Variants in ROBO2 observed in about 807,000 individuals in gnomAD.
ROBO2 encodes roundabout guidance receptor 2.
A neutral mutation model predicts 160.8 loss-of-function variants in ROBO2; 53 were observed. The ratio of observed to expected loss-of-function variants is 0.33; its 90% CI spans 0.26 to 0.41. The LOEUF is 0.41. Among genes scored for constraint, ROBO2 ranks in the 10% least tolerant of loss-of-function variants. The probability of loss-of-function intolerance (pLI) is 1.00; values close to 1 mark genes in which losing one functional copy is unlikely to be tolerated. For synonymous variants in ROBO2, 664 were observed against 611.7 expected, an observed-to-expected ratio of 1.09 and a Z score of -1.26; for missense variants, 1,577 against 1,722.4, an observed-to-expected ratio of 0.92 and a Z score of 1.49.
At chr3:76,063,431 T>A (rs2068133589) in intron 2 of ROBO2, among the ~76,000 whole-genome samples, 1 of 151,416 alleles carries the variant, frequency 6.6e-6, no homozygotes, top group Non-Finnish European at 1.5e-5. Flanking sequence ...CAGCCTTGAT[T>A]CCCTTTGGGC....
chr3:75,991,757 G>A (rs540981781), intron 2 of ROBO2, among the ~76,000 whole-genome samples: 13 of 152,190 alleles, frequency 8.5e-5, no homozygotes, highest in Admixed American at 2.6e-4. Flanking sequence ...GGAAAATTTG[G>A]AACTCCCTAG....
intron 2 of ROBO2, among the ~76,000 whole-genome samples, chr3:76,892,140 T>C (rs570506521): frequency 1.3e-5 from 2 of 152,000 alleles, no homozygotes; most frequent in Admixed American, 6.5e-5. Context: ...TTTTAAAGAA[T>C]GGGAAGGTAA....
At chr3:77,381,490 G>A (rs776553840) in intron 2 of ROBO2, among the ~76,000 whole-genome samples, 1 of 152,126 alleles carries the variant, frequency 6.6e-6, no homozygotes, top group African/African-American at 2.4e-5. Context: ...GTTTTTAACA[G>A]AGAAAATGTG....
intron 2 of ROBO2, among the ~76,000 whole-genome samples, chr3:76,642,991 A>G (rs900885798): frequency 3.9e-5 from 6 of 152,194 alleles, no homozygotes; most frequent in Non-Finnish European, 8.8e-5. Flanking sequence ...CTAATAATGT[A>G]TTTTATTACA....
At chr3:76,884,678 G>C (rs1176482617) in intron 2 of ROBO2, among the ~76,000 whole-genome samples, 1 of 152,062 alleles carries the variant, frequency 6.6e-6, no homozygotes, top group Non-Finnish European at 1.5e-5. Flanking sequence ...GCCTAGAGCT[G>C]TTTCAATATT....
chr3:76,865,770 T>C (rs2071304714), intron 2 of ROBO2, among the ~76,000 whole-genome samples: 1 of 152,150 alleles, frequency 6.6e-6, no homozygotes, highest in African/African-American at 2.4e-5. Context: ...GAATATCCTC[T>C]TCTACCCACC....
At chr3:77,166,174 C>T (rs2079055584) in intron 2 of ROBO2, among the ~76,000 whole-genome samples, 1 of 152,038 alleles carries the variant, frequency 6.6e-6, no homozygotes. Flanking sequence ...ATAAGAATAG[C>T]TCGAACCCAG....
At chr3:77,196,162 T>C (rs2082289161) in intron 2 of ROBO2, among the ~76,000 whole-genome samples, 1 of 152,176 alleles carries the variant, frequency 6.6e-6, no homozygotes, top group Non-Finnish European at 1.5e-5. Flanking sequence ...CCCAGACAGG[T>C]AGCGCGGTGC....
At chr3:77,472,744 A>G (rs148472092) in intron 2 of ROBO2, among the ~76,000 whole-genome samples, 52 of 152,234 alleles carry the variant, frequency 3.4e-4, no homozygotes, top group African/African-American at 1.1e-3. Flanking sequence ...TTCTATTTTT[A>G]TTTGACAAGC....
chr3:76,665,079 G>A (rs1389256493), intron 2 of ROBO2, among the ~76,000 whole-genome samples: 1 of 152,078 alleles, frequency 6.6e-6, no homozygotes, highest in Non-Finnish European at 1.5e-5. Context: ...ATCCACCAAA[G>A]CTAGATCATG....
Position 76,268,600 on chromosome 3 carries a change from C to T in ROBO2, c.109+330998C>T, listed in dbSNP as rs1277279582. ...TTCCTCTTCTTTTAAGAATTAATCT[C>T]ACTGGATTAGGCTCCCACCGTTAAG... On this transcript the variant is annotated intron_variant, in intron 2 of 26. Transcript: ENST00000487694. 2.6e-5 allele frequency among the ~76,000 whole-genome samples: 4 copies of T among 152,052 alleles called. No homozygotes were observed. The East Asian group carries it at 5.8e-4, about 22-fold the overall frequency.
rs541863527 is a variant in ROBO2, at chr3:76,413,827, T to G, written c.109+476225T>G. ...GCCTGTTACCCAGTTCCAAAGTCGCTTCCACATTTTTGGGTATCTTTTCAG... is the reference window on the plus strand; with the variant it reads ...GCCTGTTACCCAGTTCCAAAGTCGCGTCCACATTTTTGGGTATCTTTTCAG... On this transcript the variant is annotated intron_variant, in intron 2 of 26. Transcript: ENST00000487694. 1.1e-3 allele frequency among the ~76,000 whole-genome samples: 168 copies of G among 152,346 alleles called. 2 individuals are homozygous for G. The highest frequency in any genetic ancestry group is 2.1e-3 in the Admixed American group (32 of 15,304).
At chr3:76,329,279 C>T (rs2073295796) in intron 2 of ROBO2, among the ~76,000 whole-genome samples, 1 of 152,114 alleles carries the variant, frequency 6.6e-6, no homozygotes, top group Non-Finnish European at 1.5e-5. Flanking sequence ...AGTGCAGCGG[C>T]GCGATCTTAG....
At chr3:76,255,257 T>G (rs1441669728) in intron 2 of ROBO2, among the ~76,000 whole-genome samples, 3 of 152,172 alleles carry the variant, frequency 2.0e-5, no homozygotes, top group Non-Finnish European at 2.9e-5. Flanking sequence ...TGCATAAGAT[T>G]GCCTGCTATT....
Position 76,502,998 on chromosome 3 carries a change from A to ATGTGTG in ROBO2, c.109+565397_109+565398insGTGTGT, listed in dbSNP as rs1268241725. On this transcript the variant is annotated intron_variant, in intron 2 of 26. Transcript: ENST00000487694. ...GACAGAACTAACAGGATATATATAT[A>ATGTGTG]TATGTGTGTGTGTGTGTGTGTGCGC... Among the ~76,000 whole-genome samples the ATGTGTG allele has an allele frequency of 9.2e-4, 116 of 125,866 alleles. 1 individual carries two copies. The East Asian group carries it at 0.026, about 28-fold the overall frequency. The allele number at this position is 125,866 out of a possible 152,430, so 82.6% of individuals were successfully genotyped here. A position where few individuals can be genotyped will look rare whatever the true frequency, so the allele number is the denominator to read the frequency against.
chr3:76,761,777 A>G (rs1284143210), intron 2 of ROBO2, among the ~76,000 whole-genome samples: 6 of 151,670 alleles, frequency 4.0e-5, no homozygotes, highest in Non-Finnish European at 5.9e-5. Context: ...AATTTAGAAT[A>G]TTGGGTGGCT....
chr3:77,534,697 A>G (rs2153637522), intron 6 of ROBO2, among the ~76,000 whole-genome samples: 1 of 152,324 alleles, frequency 6.6e-6, no homozygotes, highest in African/African-American at 2.4e-5. Flanking sequence ...TTACATTTTT[A>G]TTTCAAATAT....
rs185367737 is a variant in ROBO2, at chr3:76,983,974, C to A, written c.110-114040C>A. Among the ~76,000 whole-genome samples the A allele has an allele frequency of 6.8e-3, 1,041 of 152,294 alleles. 4 individuals are homozygous for A. The highest frequency in any genetic ancestry group is 0.01 in the Non-Finnish European group (714 of 68,028). On this transcript the variant is annotated intron_variant, in intron 2 of 26. Coordinates refer to the ROBO2 transcript ENST00000487694. ...GAAACTTAACAATCATGGCAGAATG[C>A]AAAGGAGACGCAGGCACCTTGTTCA... is the stretch of plus-strand genomic sequence containing the variant.
chr3:77,099,763 G>A (rs1043030557), intron 2 of ROBO2, among the ~76,000 whole-genome samples: 2 of 151,768 alleles, frequency 1.3e-5, no homozygotes, highest in African/African-American at 2.4e-5. Flanking sequence ...AATATGACTG[G>A]CATTATTCTC....
Sources: allele counts gnomAD v4.1 joint callset (sites outside exome capture counted in the v4.1 genomes callset), GRCh38; gene constraint gnomAD v4.1.1; transcripts MANE v1.5; gene names NCBI Gene and HGNC (gene_info 2026-07-23, HGNC 2026-07-21).